ITPA: variants seen among roughly 807,000 people sequenced by gnomAD.
ITPA encodes inosine triphosphatase, also known as inosine triphosphate pyrophosphatase.
A neutral mutation model predicts 29.6 loss-of-function variants in ITPA; 29 were observed. The ratio of observed to expected loss-of-function variants is 0.98; its 90% CI spans 0.73 to 1.34. ITPA has a LOEUF of 1.34. Among genes scored for constraint, ITPA ranks in the 40% most tolerant of loss-of-function variants. The probability of loss-of-function intolerance (pLI) is 0.00; values close to 1 mark genes in which losing one functional copy is unlikely to be tolerated. For missense variants in ITPA, 241 were observed against 251.5 expected, an observed-to-expected ratio of 0.96 and a Z score of 0.28; for synonymous variants, 103 against 99.3, an observed-to-expected ratio of 1.04 and a Z score of -0.22.
chr20:3,206,992 C>CTGT (rs2122258145), upstream of ITPA, among the ~76,000 whole-genome samples: 1 of 152,030 alleles, frequency 6.6e-6, no homozygotes, highest in Admixed American at 6.6e-5. Context: ...TCAGCCTGGG[C>CTGT]AACAGAGCAA....
At chr20:3,216,861 G>A (rs6037503) in intron 5 of ITPA, among the ~76,000 whole-genome samples, 7,802 of 150,506 alleles carry the variant, frequency 0.052, 674 homozygotes, top group African/African-American at 0.18. Context: ...CTGGGATTAC[G>A]GGCATGAGCC....
At chr20:3,220,953 G>A (rs1047969446) in intron 6 of ITPA, among the ~76,000 whole-genome samples, 3 of 151,984 alleles carry the variant, frequency 2.0e-5, no homozygotes, top group Non-Finnish European at 2.9e-5. Context: ...TCTGTCGCCC[G>A]GACTGGATCA....
rs1210226758 is a variant in ITPA, at chr20:3,221,853, G to A, written c.424G>A (p.Ala142Thr). ...FRGRTSGRIVAPRGCQDFGWD... is the reference protein window; with the variant it reads ...FRGRTSGRIVTPRGCQDFGWD... Reference sequence around the variant, plus strand: ...TTTCCTGTGGCAGGGCCGGATCGTGGCACCCAGAGGCTGCCAGGACTTTGG... The same window carrying A: ...TTTCCTGTGGCAGGGCCGGATCGTGACACCCAGAGGCTGCCAGGACTTTGG... The change falls in exon 7 of 8, where the codon GCA (alanine) becomes ACA (threonine). Residue 142 changes from alanine to threonine, a missense_variant. Ala to Thr is a moderately conservative substitution (Grantham distance 58, BLOSUM62 0). Coordinates refer to ENST00000380113, the MANE Select transcript of ITPA (RefSeq NM_033453.4). The A allele has an allele frequency of 1.2e-6, 2 of 1,613,890 alleles. No homozygotes were observed. The highest frequency in any genetic ancestry group is 1.3e-5 in the African/African-American group (1 of 74,924).
In ITPA at chr20:3,223,597, CG is replaced by C. The variant is rs1568522002; in HGVS notation, c.*137del. 1 of 707,464 alleles carries C rather than the reference CG, an allele frequency of 1.4e-6. No individual in the cohort carries two copies. Among genetic ancestry groups the C allele is most frequent in the East Asian group, 2.7e-5 (1 of 36,848 alleles). The allele number at this position is 707,464 out of a possible 1,614,324, so 43.8% of individuals were successfully genotyped here. A position where few individuals can be genotyped will look rare whatever the true frequency, so the allele number is the denominator to read the frequency against. ...TTGTGAGGGTGTCGAGTAGCCTCAC[CG>C]GCCTGTCTGGAGGAGCAGCTGGCTC... On this transcript the variant is annotated 3_prime_UTR_variant, in exon 8 of 8. Transcript: ENST00000380113.
intron 7 of ITPA, among the ~76,000 whole-genome samples, chr20:3,222,993 G>T (rs191206756): frequency 6.6e-6 from 1 of 152,134 alleles, no homozygotes; most frequent in East Asian, 1.9e-4. Flanking sequence ...GTGCTCCCCC[G>T]CCCTCAGCGC....
intron 1 of ITPA, among the ~76,000 whole-genome samples, chr20:3,211,424 C>T (rs562709042): frequency 6.6e-6 from 1 of 152,086 alleles, no homozygotes; most frequent in Non-Finnish European, 1.5e-5. Flanking sequence ...CCACCCATTT[C>T]GGCCTTTCAA....
intron 1 of ITPA, among the ~76,000 whole-genome samples, chr20:3,211,851 T>A (rs2067183150): frequency 6.6e-6 from 1 of 152,186 alleles, no homozygotes; most frequent in African/African-American, 2.4e-5. Context: ...TATGGAATCT[T>A]TCTCAGGAAA....
At chr20:3,223,265 C>T in intron 7 of ITPA, 101 bp from the exon 8 acceptor site, 1 of 862,426 alleles carries the variant, frequency 1.2e-6, no homozygotes, top group Non-Finnish European at 1.9e-6. Context: ...TCCTTGGGGT[C>T]TGTGAGCTTT....
Position 3,223,628 on chromosome 20 carries a change from C to T in ITPA, c.*166C>T, listed in dbSNP as rs2067525105. The T allele has an allele frequency of 3.1e-6, 2 of 642,858 alleles. No individual in the cohort carries two copies. Among genetic ancestry groups the T allele is most frequent in the South Asian group, 3.5e-5 (2 of 56,544 alleles). The allele number at this position is 642,858 out of a possible 1,614,324, so 39.8% of individuals were successfully genotyped here. Reference sequence around the variant, plus strand: ...GTCTGGAGGAGCAGCTGGCTCTGCTCTGAGAAACTCTGGCAAGTGGACGCC... The same window carrying T: ...GTCTGGAGGAGCAGCTGGCTCTGCTTTGAGAAACTCTGGCAAGTGGACGCC... On this transcript the variant is annotated 3_prime_UTR_variant, in exon 8 of 8. Coordinates refer to ENST00000380113, the MANE Select transcript of ITPA (RefSeq NM_033453.4).
intron 3 of ITPA, among the ~76,000 whole-genome samples, chr20:3,213,784 A>G (rs1035971060): frequency 6.6e-6 from 1 of 152,130 alleles, no homozygotes; most frequent in Non-Finnish European, 1.5e-5. Context: ...AGCTTTAACA[A>G]TCGGCCAAAG....
At chr20:3,204,748 CAGAG>C, upstream of ITPA, 1 of 937,128 alleles carries the variant, frequency 1.1e-6, no homozygotes, top group Non-Finnish European at 1.6e-6. Context: ...CGGCACATCA[CAGAG>C]AGGCTTTAAT....
At chr20:3,221,728 G>A (rs186395168) in intron 6 of ITPA, 113 bp from the exon 7 acceptor site, 8 of 969,206 alleles carry the variant, frequency 8.3e-6, no homozygotes, top group Admixed American at 3.6e-5. Flanking sequence ...TACATTTTGC[G>A]TAAGTTGGGT....
chr20:3,218,390 T>C, intron 5 of ITPA, 127 bp from the exon 6 acceptor site: 1 of 736,822 alleles, frequency 1.4e-6, no homozygotes, highest in South Asian at 1.5e-5. Flanking sequence ...CCGCCCCCGC[T>C]ACCCCAATTG....
chr20:3,214,055 A>C lies in ITPA; in HGVS notation c.260A>C (p.Tyr87Ser). The change falls in exon 4 of 8, where the codon TAC becomes TCC. Residue 87 changes from tyrosine (Y) to serine (S), a missense_variant. Tyr to Ser is a moderately radical substitution (Grantham distance 144). Transcript: ENST00000380113. ...GCCCTTGGAGGGCTCCCCGGCCCCTACATGTGAGTGACTACCTCCACCCCC... is the reference window on the plus strand; with the variant it reads ...GCCCTTGGAGGGCTCCCCGGCCCCTCCATGTGAGTGACTACCTCCACCCCC... ...FNALGGLPGP[Y>S]IKWFLEKLKP... is the part of the protein sequence containing the mutation. 6.2e-7 allele frequency: 1 copy of C among 1,614,180 alleles called. No individual in the cohort carries two copies. The highest frequency in any genetic ancestry group is 1.7e-5 in the Admixed American group (1 of 60,024).
intron 1 of ITPA, among the ~76,000 whole-genome samples, chr20:3,211,325 C>G (rs1011202533): frequency 1.3e-5 from 2 of 150,160 alleles, no homozygotes; most frequent in Non-Finnish European, 3.0e-5. Flanking sequence ...ATCACCACGC[C>G]TGGTTAATTT....
chr20:3,213,413 C>T (rs1453524045), intron 3 of ITPA, 30 bp downstream of exon 3: 1 of 1,612,888 alleles, frequency 6.2e-7, no homozygotes, highest in Non-Finnish European at 8.5e-7. Flanking sequence ...CCCACACTTG[C>T]TCTTCTTGTC....
At chr20:3,219,471 G>C (rs1023670901) in intron 6 of ITPA, among the ~76,000 whole-genome samples, 1 of 152,090 alleles carries the variant, frequency 6.6e-6, no homozygotes, top group South Asian at 2.1e-4. Context: ...GAGGCCGGGC[G>C]TGATGGCTCA....
chr20:3,216,340 A>G (rs1464773135), intron 5 of ITPA, among the ~76,000 whole-genome samples: 1 of 137,926 alleles, frequency 7.3e-6, no homozygotes, highest in Non-Finnish European at 1.5e-5. Flanking sequence ...TTGTATTTTT[A>G]GTAGCGTTGG....
chr20:3,213,559 T>C (rs1222881076), intron 3 of ITPA, 176 bp downstream of exon 3: 7 of 729,434 alleles, frequency 9.6e-6, no homozygotes, highest in Non-Finnish European at 7.1e-6. Context: ...TTGCCAGCCT[T>C]GAATACATGG....
Sources: gnomAD v4.1 joint callset for allele counts (sites outside exome capture counted in the v4.1 genomes callset) on GRCh38, gnomAD v4.1.1 for gene constraint, MANE v1.5 for transcripts, NCBI Gene and HGNC (gene_info 2026-07-23, HGNC 2026-07-21) for gene names.